Variants in SMAGP observed in about 807,000 individuals in gnomAD.
The protein encoded by SMAGP is small cell transmembrane and glycosylated protein.
SMAGP carries 7 observed loss-of-function variants against 10.1 expected under a neutral mutation model. That is an observed-to-expected ratio of 0.70 (90% confidence interval 0.40 to 1.31). The LOEUF (loss-of-function observed/expected upper bound fraction) is 1.31. Among genes scored for constraint, SMAGP ranks in the 50% most tolerant of loss-of-function variants. The probability of loss-of-function intolerance (pLI) is 0.01; values close to 1 mark genes in which losing one functional copy is unlikely to be tolerated. For synonymous variants in SMAGP, 49 were observed against 47.2 expected (o/e 1.04, Z -0.16); for missense variants, 113 against 116.5 (o/e 0.97, Z 0.14).
intron 2 of SMAGP, among the ~76,000 whole-genome samples, chr12:51,248,232 G>A (rs1944798360): frequency 6.6e-6 from 1 of 152,214 alleles, no homozygotes; most frequent in South Asian, 2.1e-4. Flanking sequence ...GCCCAGGGGA[G>A]CCTGATGAAC....
intron 2 of SMAGP, among the ~76,000 whole-genome samples, chr12:51,258,843 A>G (rs759487822): frequency 1.4e-4 from 22 of 151,982 alleles, no homozygotes; most frequent in Non-Finnish European, 3.1e-4. Flanking sequence ...TTAAATCATA[A>G]AGCAAGTATA....
intron 2 of SMAGP, among the ~76,000 whole-genome samples, chr12:51,248,617 A>C (rs1056557050): frequency 1.3e-5 from 2 of 152,102 alleles, no homozygotes; most frequent in Non-Finnish European, 2.9e-5. Context: ...CACCTGCCCC[A>C]AGGCAGGACT....
chr12:51,267,496 C>CTT (rs5798165), intron 2 of SMAGP, among the ~76,000 whole-genome samples: 3 of 93,406 alleles, frequency 3.2e-5, no homozygotes, highest in Non-Finnish European at 6.5e-5. Context: ...CCCCCTAACT[C>CTT]TTTTTTTTTT....
At chr12:51,261,516 C>G (rs190417691) in intron 2 of SMAGP, among the ~76,000 whole-genome samples, 95 of 152,202 alleles carry the variant, frequency 6.2e-4, no homozygotes, top group African/African-American at 2.2e-3. Flanking sequence ...TATGCCAAGG[C>G]ATGACCTGTA....
chr12:51,269,369 T>G, intron 1 of SMAGP, 53 bp from the exon 2 acceptor site: 1 of 1,466,864 alleles, frequency 6.8e-7, no homozygotes. Flanking sequence ...CCTATGGCTT[T>G]GAGTCCTGGA....
In SMAGP at chr12:51,245,706, CACAA is replaced by C; in HGVS notation, c.*231_*234del. On this transcript the variant is annotated 3_prime_UTR_variant, in exon 4 of 4. Transcript: ENST00000603798. Reference sequence around the variant, plus strand: ...GCATAGCCACATCTTGTTGGCCAGTCACAAACACCAGCTCTAGTAAGAGGGCCTG... The same window carrying C: ...GCATAGCCACATCTTGTTGGCCAGTCACACCAGCTCTAGTAAGAGGGCCTG... The C allele has an allele frequency of 2.1e-6, 1 of 472,992 alleles. No homozygotes were observed. Among genetic ancestry groups the C allele is most frequent in the Non-Finnish European group, 3.8e-6 (1 of 262,666 alleles). The allele number at this position is 472,992 out of a possible 1,614,324, so 29.3% of individuals were successfully genotyped here.
At chr12:51,250,336 T>C (rs1944825357) in intron 2 of SMAGP, among the ~76,000 whole-genome samples, 1 of 152,036 alleles carries the variant, frequency 6.6e-6, no homozygotes, top group African/African-American at 2.4e-5. Flanking sequence ...GAGCCAGCAC[T>C]GCATTACTGA....
intron 2 of SMAGP, among the ~76,000 whole-genome samples, chr12:51,259,683 G>C (rs1303141936): frequency 6.6e-6 from 1 of 152,176 alleles, no homozygotes; most frequent in East Asian, 1.9e-4. Context: ...AGGAGTTACA[G>C]ATAGGTTGTG....
At chr12:51,263,328 A>G (rs1944945610) in intron 2 of SMAGP, among the ~76,000 whole-genome samples, 1 of 151,924 alleles carries the variant, frequency 6.6e-6, no homozygotes, top group African/African-American at 2.4e-5. Context: ...GGTTGCAGTT[A>G]GCCGAGATTG....
chr12:51,251,695 G>A (rs1275351444), intron 2 of SMAGP: 1 of 152,244 alleles, frequency 6.6e-6, no homozygotes, highest in East Asian at 1.9e-4. Context: ...CTGGCTCACT[G>A]GTGATAGGTA....
At chr12:51,257,724 T>C (rs1944898544) in intron 2 of SMAGP, among the ~76,000 whole-genome samples, 1 of 152,160 alleles carries the variant, frequency 6.6e-6, no homozygotes, top group Non-Finnish European at 1.5e-5. Context: ...TTTGCATTTT[T>C]AGTAGAGATG....
chr12:51,256,850 T>C (rs535231625), intron 2 of SMAGP, among the ~76,000 whole-genome samples: 14 of 151,530 alleles, frequency 9.2e-5, no homozygotes, highest in East Asian at 1.9e-4. Flanking sequence ...TTTAAGACCA[T>C]AGACTGGGTG....
intron 2 of SMAGP, among the ~76,000 whole-genome samples, chr12:51,260,039 C>A (rs1004876015): frequency 6.6e-6 from 1 of 151,894 alleles, no homozygotes; most frequent in African/African-American, 2.4e-5. Context: ...CCTTTATATT[C>A]CGAATTTCTC....
At chr12:51,268,574 C>CT (rs1299258997) in intron 2 of SMAGP, among the ~76,000 whole-genome samples, 64 of 63,996 alleles carry the variant, frequency 1.0e-3, no homozygotes, top group African/African-American at 2.2e-3. Flanking sequence ...TCCTTCCTTC[C>CT]TTCCTTTCCT....
chr12:51,269,637 A>C, intron 1 of SMAGP: 1 of 211,020 alleles, frequency 4.7e-6, no homozygotes, highest in African/African-American at 2.3e-5. Context: ...TCAGCAGCGA[A>C]CCCAGTTTCG....
chr12:51,268,471 G>A lies in SMAGP; in HGVS notation c.34+774C>T, dbSNP rs373780237. On this transcript the variant is annotated intron_variant, in intron 2 of 3. Coordinates refer to ENST00000603798, the MANE Select transcript of SMAGP (RefSeq NM_001031628.2). ...ATTCCTTTTCCACATTTAATTACAA[G>A]GGTTTCTGCTACATTCTTTGCCATA... is the stretch of plus-strand genomic sequence containing the variant. Among the ~76,000 whole-genome samples, 12 of 152,176 alleles carry A rather than the reference G, an allele frequency of 7.9e-5. No individual in the cohort carries two copies. In the South Asian group the frequency reaches 1.9e-3, roughly 24 times the overall value.
chr12:51,248,201 T>C (rs1030868751), intron 2 of SMAGP, among the ~76,000 whole-genome samples: 2 of 152,082 alleles, frequency 1.3e-5, no homozygotes, highest in African/African-American at 4.8e-5. Context: ...GCCAAGAGTG[T>C]TGAAGGGTCT....
At position 51,245,225 on chromosome 12, in the gene SMAGP, T is replaced by G. The variant is rs1183566438; in HGVS notation, c.*716A>C. The stretch of plus-strand genomic sequence containing the variant: ...GATAGTTCTGCAAACTTCTAGAACT[T>G]TCCTAGGGTTCTTATTGCTTGGAAG... On this transcript the variant is annotated 3_prime_UTR_variant, in exon 4 of 4. Coordinates refer to ENST00000603798, the MANE Select transcript of SMAGP (RefSeq NM_001031628.2). 6.6e-6 allele frequency: 1 copy of G among 152,172 alleles called. No homozygotes were observed. The highest frequency in any genetic ancestry group is 1.5e-5 in the Non-Finnish European group (1 of 68,042). The allele number at this position is 152,172 out of a possible 1,614,324, so 9.4% of individuals were successfully genotyped here. A position where few individuals can be genotyped will look rare whatever the true frequency, so the allele number is the denominator to read the frequency against.
At chr12:51,264,935 A>G (rs962881871) in intron 2 of SMAGP, among the ~76,000 whole-genome samples, 17 of 133,994 alleles carry the variant, frequency 1.3e-4, no homozygotes, top group Admixed American at 9.4e-4. Flanking sequence ...CCATCGCCAG[A>G]AAAAAAAAAA....
Sources: allele counts gnomAD v4.1 joint callset (sites outside exome capture counted in the v4.1 genomes callset), GRCh38; gene constraint gnomAD v4.1.1; transcripts MANE v1.5; gene names NCBI Gene and HGNC (gene_info 2026-07-23, HGNC 2026-07-21).